GNA13: variants seen among roughly 807,000 people sequenced by gnomAD.
GNA13 encodes the protein G protein subunit alpha 13.
A neutral mutation model predicts 33.5 loss-of-function variants in GNA13; 4 were observed. The ratio of observed to expected loss-of-function variants is 0.12; its 90% CI spans 0.06 to 0.27. The LOEUF is 0.27. Among genes scored for constraint, GNA13 ranks in the 10% least tolerant of loss-of-function variants. The pLI, the probability that GNA13 is intolerant of heterozygous loss-of-function variation, is 1.00. For missense variants in GNA13, 319 were observed against 487.2 expected, an observed-to-expected ratio of 0.65 and a Z score of 3.25; for synonymous variants, 176 against 183.8, an observed-to-expected ratio of 0.96 and a Z score of 0.34.
At chr17:65,049,574 T>G (rs1907789223) in intron 2 of GNA13, among the ~76,000 whole-genome samples, 1 of 152,118 alleles carries the variant, frequency 6.6e-6, no homozygotes, top group Admixed American at 6.6e-5. Context: ...TAATGGGTAC[T>G]GTGAGGAGTG....
At chr17:65,023,365 A>G (rs1906657016) in intron 2 of GNA13, among the ~76,000 whole-genome samples, 1 of 152,216 alleles carries the variant, frequency 6.6e-6, no homozygotes, top group Admixed American at 6.5e-5. Flanking sequence ...CAGAAACAAA[A>G]AGTGAAAATT....
intron 2 of GNA13, among the ~76,000 whole-genome samples, chr17:65,037,793 A>AAAAAAAAAAAAAAAAC (rs1313729487): frequency 5.3e-5 from 8 of 150,010 alleles, no homozygotes; most frequent in Non-Finnish European, 8.9e-5. Context: ...AAAAAAAAAA[A>AAAAAAAAAAAAAAAAC]AAAAAAAGAC....
chr17:65,055,107 C>T lies in GNA13; in HGVS notation c.283+1204G>A, dbSNP rs556166256. On this transcript the variant is annotated intron_variant, in intron 1 of 3. Transcript: ENST00000439174. ...ACATGCAGAAGTCCCTTATGTACTT[C>T]CTGAACAAAAATCCCACTTAAAAAG... 1.6e-4 allele frequency among the ~76,000 whole-genome samples: 24 copies of T among 152,090 alleles called. No homozygotes were observed. In the South Asian group the frequency reaches 5.0e-3, roughly 32 times the overall value.
chr17:65,031,617 T>C (rs1159944925), intron 2 of GNA13, among the ~76,000 whole-genome samples: 2 of 152,216 alleles, frequency 1.3e-5, no homozygotes, highest in Non-Finnish European at 2.9e-5. Flanking sequence ...TAATATACTT[T>C]TAATTTCCAT....
chr17:65,021,288 G>A (rs912898163), intron 2 of GNA13, among the ~76,000 whole-genome samples: 4 of 152,262 alleles, frequency 2.6e-5, no homozygotes, highest in Non-Finnish European at 4.4e-5. Flanking sequence ...AGAAGTCTAT[G>A]AGGTTCCACG....
chr17:65,014,589 A>C lies in GNA13; in HGVS notation c.802T>G (p.Ser268Ala). ...ACGATTGTTTCAAAAATGTTCAGAGACTCTGTAAGGCGATTGGTCAGTCGA... is the reference window on the plus strand; with the variant it reads ...ACGATTGTTTCAAAAATGTTCAGAGCCTCTGTAAGGCGATTGGTCAGTCGA... ...EDRLTNRLTE[S>A]LNIFETIVNN... The change falls in exon 4 of 4, where the codon TCT becomes GCT. Residue 268 changes from serine to alanine, a missense_variant. Transcript: ENST00000439174. This position sits in a 1 kb window ranked among gnomAD's most constrained non-coding sequence, Gnocchi z 5.3. 1 of 1,613,936 alleles carries C rather than the reference A, an allele frequency of 6.2e-7. No homozygotes were observed. Among genetic ancestry groups the C allele is most frequent in the Non-Finnish European group, 8.5e-7 (1 of 1,179,910 alleles).
chr17:65,034,401 G>C (rs1250781165), intron 2 of GNA13, among the ~76,000 whole-genome samples: 1 of 148,688 alleles, frequency 6.7e-6, no homozygotes, highest in Non-Finnish European at 1.5e-5. Flanking sequence ...TTGAGATGAA[G>C]TCTTTTCCTG....
rs780500325 is a variant in GNA13, at chr17:65,053,531, C to T, written c.481G>A (p.Ala161Thr). ...TGAAATTCTCGACGCCGGTCATAGG[C>T]ATTCTGTATGCCGCTGTCTGCCCAT... is the stretch of plus-strand genomic sequence containing the variant. ...ALWADSGIQN[A>T]YDRRREFQLG... The change falls in exon 2 of 4, where the codon GCC (alanine) becomes ACC (threonine). Residue 161 changes from alanine to threonine, a missense_variant. By Grantham distance (58) the Ala-to-Thr change is moderately conservative. Transcript: ENST00000439174. 8 of 1,610,856 alleles carry T rather than the reference C, an allele frequency of 5.0e-6. No homozygotes were observed. The South Asian group carries it at 8.8e-5, about 18-fold the overall frequency.
Position 65,018,323 on chromosome 17 carries a change from A to C in GNA13, c.511-20T>G, listed in dbSNP as rs201288728. 5.6e-5 allele frequency: 69 copies of C among 1,233,580 alleles called. No homozygotes were observed. Among genetic ancestry groups the C allele is most frequent in the African/African-American group, 8.9e-5 (6 of 67,630 alleles). The allele number at this position is 1,233,580 out of a possible 1,614,324, so 76.4% of individuals were successfully genotyped here. A position where few individuals can be genotyped will look rare whatever the true frequency, so the allele number is the denominator to read the frequency against. On this transcript the variant is annotated intron_variant, in intron 2 of 3. Coordinates refer to ENST00000439174, the MANE Select transcript of GNA13 (RefSeq NM_006572.6). ...TTCACCCTAAAAACAAGAAGAAAACAAATAGTTATTAGGGCTTAGAAATGG... is the reference window on the plus strand; with the variant it reads ...TTCACCCTAAAAACAAGAAGAAAACCAATAGTTATTAGGGCTTAGAAATGG...
At chr17:65,016,609 G>A (rs898726665) in intron 3 of GNA13, among the ~76,000 whole-genome samples, 9 of 152,268 alleles carry the variant, frequency 5.9e-5, no homozygotes, top group East Asian at 1.9e-4. Flanking sequence ...TGATCCTCCC[G>A]CCTCAGCCTC....
intron 2 of GNA13, among the ~76,000 whole-genome samples, chr17:65,038,313 G>A (rs909192919): frequency 6.6e-6 from 1 of 152,032 alleles, no homozygotes; most frequent in African/African-American, 2.4e-5. Context: ...TGAGGTAGGA[G>A]AATCGCTTGA....
chr17:65,038,732 A>C (rs1332509930), intron 2 of GNA13, among the ~76,000 whole-genome samples: 3 of 152,184 alleles, frequency 2.0e-5, no homozygotes, highest in Non-Finnish European at 2.9e-5. Context: ...CCGCCCAAAA[A>C]TACATTTAAT....
At chr17:65,017,389 C>G (rs1469255868) in intron 3 of GNA13, among the ~76,000 whole-genome samples, 3 of 152,152 alleles carry the variant, frequency 2.0e-5, no homozygotes, top group Non-Finnish European at 4.4e-5. Flanking sequence ...AGGACACACA[C>G]ATACTAGCTG....
chr17:65,009,493 C>CA lies in GNA13; in HGVS notation c.*4763dup, dbSNP rs993779769. 1.3e-5 allele frequency among the ~76,000 whole-genome samples: 2 copies of CA among 151,414 alleles called. No homozygotes were observed. Among genetic ancestry groups the CA allele is most frequent in the African/African-American group, 4.9e-5 (2 of 41,128 alleles). On this transcript the variant is annotated 3_prime_UTR_variant, in exon 4 of 4. Transcript: ENST00000439174. ...TGCCCATCCTGAACTAAAGCACTGA[C>CA]AAAAAAATTTACAACAATTATCAGA...
intron 2 of GNA13, among the ~76,000 whole-genome samples, chr17:65,044,985 G>A (rs894309784): frequency 6.7e-6 from 1 of 149,980 alleles, no homozygotes; most frequent in Non-Finnish European, 1.5e-5. Flanking sequence ...GGAGGTTTCA[G>A]TGAGCCAAGA....
At chr17:65,024,649 C>T (rs1906706982) in intron 2 of GNA13, among the ~76,000 whole-genome samples, 1 of 152,210 alleles carries the variant, frequency 6.6e-6, no homozygotes, top group Non-Finnish European at 1.5e-5. Flanking sequence ...ATTAAAAATA[C>T]AGATTCCCAG....
intron 2 of GNA13, among the ~76,000 whole-genome samples, chr17:65,031,360 A>G (rs959991910): frequency 6.6e-6 from 1 of 152,246 alleles, no homozygotes; most frequent in Non-Finnish European, 1.5e-5. Flanking sequence ...ATATGCAGTC[A>G]GTCCTTGACC....
chr17:65,017,981 TGTC>T (rs978728479), intron 3 of GNA13, among the ~76,000 whole-genome samples: 2 of 150,474 alleles, frequency 1.3e-5, no homozygotes, highest in Non-Finnish European at 3.0e-5. Context: ...AAAAAAGAAG[TGTC>T]GTGATTAAAC....
In GNA13 at chr17:65,011,972, T is replaced by A. The variant is rs1056922038; in HGVS notation, c.*2285A>T. The A allele has an allele frequency of 4.4e-6, 1 of 227,116 alleles. No homozygotes were observed. Among genetic ancestry groups the A allele is most frequent in the Non-Finnish European group, 8.7e-6 (1 of 114,310 alleles). 14.1% of individuals were successfully genotyped at this position (227,116 alleles called of 1,614,324 possible). A position where few individuals can be genotyped will look rare whatever the true frequency, so the allele number is the denominator to read the frequency against. On this transcript the variant is annotated 3_prime_UTR_variant, in exon 4 of 4. Coordinates refer to ENST00000439174, the MANE Select transcript of GNA13 (RefSeq NM_006572.6). ...AGATTGAACTTAAAGTTCTACTGAA[T>A]GTCAAAACAAGCCTAAGTTGAATAT... is the stretch of plus-strand genomic sequence containing the variant.
Sources: allele counts gnomAD v4.1 joint callset (sites outside exome capture counted in the v4.1 genomes callset), GRCh38; gene constraint gnomAD v4.1.1; non-coding constraint Gnocchi (gnomAD v3.1); transcripts MANE v1.5; gene names NCBI Gene and HGNC (gene_info 2026-07-23, HGNC 2026-07-21).